GSDMA: variants seen among roughly 807,000 people sequenced by gnomAD.
GSDMA encodes the protein gasdermin-A.
A neutral mutation model predicts 54.3 loss-of-function variants in GSDMA; 55 were observed. The ratio of observed to expected loss-of-function variants is 1.01; its 90% confidence interval spans 0.82 to 1.27. The LOEUF is 1.27. Among genes scored for constraint, GSDMA ranks in the 50% most tolerant of loss-of-function variants. The probability of loss-of-function intolerance (pLI) is 0.00; values close to 1 mark genes in which losing one functional copy is unlikely to be tolerated. For missense variants in GSDMA, 542 were observed against 542.6 expected (o/e 1.00, Z 0.01); for synonymous variants, 211 against 224.7 (o/e 0.94, Z 0.54).
rs62066847 is a variant in GSDMA, at chr17:39,967,944, G to A, written c.392+1507G>A. Among the ~76,000 whole-genome samples the A allele has an allele frequency of 1.1e-3, 163 of 152,228 alleles. 2 individuals are homozygous for A. Among genetic ancestry groups the A allele is most frequent in the Non-Finnish European group, 1.3e-3 (89 of 68,018 alleles). ...ACGATCTCAGCTCACTGCAAACTCC[G>A]CCTCCTGGGTTCAAGCAATTATCCA... is the stretch of plus-strand genomic sequence containing the variant. On this transcript the variant is annotated intron_variant, in intron 3 of 11. Transcript: ENST00000301659.
At chr17:39,973,293 A>G (rs149274005) in intron 7 of GSDMA, among the ~76,000 whole-genome samples, 2,036 of 143,206 alleles carry the variant, frequency 0.014, 25 homozygotes, top group Admixed American at 0.021. Context: ...TTCTTGAGAC[A>G]GAGTCTCATT....
At chr17:39,971,448 C>A in intron 4 of GSDMA, 76 bp from the exon 5 acceptor site, 1 of 1,128,704 alleles carries the variant, frequency 8.9e-7, no homozygotes, top group Non-Finnish European at 1.3e-6. Flanking sequence ...GACCCTGCAC[C>A]TCCCCCAACT....
At chr17:39,975,082 T>C in intron 10 of GSDMA, 68 bp downstream of exon 10, 1 of 823,968 alleles carries the variant, frequency 1.2e-6, no homozygotes, top group Non-Finnish European at 2.0e-6. Flanking sequence ...TTGAATCAAT[T>C]CCCAAATGGA....
Position 39,966,447 on chromosome 17 carries a change from G to A in GSDMA, c.392+10G>A, listed in dbSNP as rs1979672541. On this transcript the variant is annotated intron_variant, in intron 3 of 11. Transcript: ENST00000301659. ...AGACCGTGCAGGAGAGGTGAGAGTG[G>A]GCGGGACTGAGGGTCTCCCGGGATG... The A allele has an allele frequency of 6.3e-7, 1 of 1,588,338 alleles. No homozygotes were observed. Among genetic ancestry groups the A allele is most frequent in the African/African-American group, 1.4e-5 (1 of 73,490 alleles).
At chr17:39,976,374 G>A (rs1237277733) in intron 11 of GSDMA, among the ~76,000 whole-genome samples, 1 of 151,618 alleles carries the variant, frequency 6.6e-6, no homozygotes, top group Non-Finnish European at 1.5e-5. Context: ...CGCCTCCCGG[G>A]TTCAAGCGAT....
chr17:39,972,106 C>G, intron 5 of GSDMA, 23 bp from the exon 6 acceptor site: 1 of 1,079,448 alleles, frequency 9.3e-7, no homozygotes. Context: ...GTCCTCCCAC[C>G]CTCCCTCCCT....
intron 3 of GSDMA, among the ~76,000 whole-genome samples, chr17:39,969,314 C>T (rs950176683): frequency 2.7e-5 from 4 of 148,484 alleles, no homozygotes; most frequent in African/African-American, 7.5e-5. Context: ...CGAGCCACTG[C>T]ACTTCAGCCT....
chr17:39,966,305 C>A lies in GSDMA; in HGVS notation c.260C>A (p.Thr87Asn), dbSNP rs1568127719. Reference sequence around the variant, plus strand: ...TTTGGCTTTAAGAATATGCTGGACACCCGAGTGGAGGGAGATGTGGATGTA... The same window carrying A: ...TTTGGCTTTAAGAATATGCTGGACAACCGAGTGGAGGGAGATGTGGATGTA... Reference protein sequence around the residue: ...GNFGFKNMLDTRVEGDVDVPK... With the variant: ...GNFGFKNMLDNRVEGDVDVPK... Residue 87 changes from threonine to asparagine, a missense_variant, in exon 3 of 12, where the codon ACC becomes AAC. Physicochemically the swap from Thr to Asn is moderately conservative, Grantham distance 65. Transcript: ENST00000301659. The A allele has an allele frequency of 6.2e-7, 1 of 1,613,950 alleles. No individual in the cohort carries two copies.
intron 8 of GSDMA, 104 bp from the exon 9 acceptor site, chr17:39,974,169 T>G (rs1980087680): frequency 1.6e-6 from 2 of 1,216,284 alleles, no homozygotes; most frequent in Non-Finnish European, 2.3e-6. Context: ...GGGTAGAGCA[T>G]GGGTACCTAA....
chr17:39,971,130 G>A (rs1323286595), intron 4 of GSDMA, among the ~76,000 whole-genome samples: 1 of 152,222 alleles, frequency 6.6e-6, no homozygotes, highest in Non-Finnish European at 1.5e-5. Context: ...GTAGGGGTTA[G>A]TCATGGAAGG....
At chr17:39,969,410 A>G (rs1191327578) in intron 3 of GSDMA, among the ~76,000 whole-genome samples, 2 of 151,802 alleles carry the variant, frequency 1.3e-5, no homozygotes, top group African/African-American at 4.8e-5. Context: ...GAGGGAGTTG[A>G]GAAAACAGGA....
At chr17:39,975,884 G>A (rs1353018252) in intron 10 of GSDMA, 40 bp from the exon 11 acceptor site, 1 of 1,469,624 alleles carries the variant, frequency 6.8e-7, no homozygotes, top group Non-Finnish European at 9.4e-7. Flanking sequence ...AGTCCCCTCT[G>A]CACCAGCAAC....
rs373982780 is a variant in GSDMA, at chr17:39,965,712, C to T, written c.25C>T (p.Arg9Trp). The stretch of plus-strand genomic sequence containing the variant: ...AATGACCATGTTTGAAAATGTCACC[C>T]GGGCCCTGGCCAGACAGCTAAACCC... MTMFENVT[R>W]ALARQLNPRG... is the part of the protein sequence containing the mutation. The change falls in exon 2 of 12, where the codon CGG (arginine) becomes TGG (tryptophan). Residue 9 changes from arginine to tryptophan, a missense_variant. Transcript: ENST00000301659. 27 of 1,609,158 alleles carry T rather than the reference C, an allele frequency of 1.7e-5. No homozygotes were observed. The highest frequency in any genetic ancestry group is 1.6e-4 in the Middle Eastern group (1 of 6,080).
In GSDMA at chr17:39,966,353, G is replaced by T. The variant is rs762787346; in HGVS notation, c.308G>T (p.Gly103Val). The T allele has an allele frequency of 1.2e-6, 2 of 1,613,976 alleles. No individual in the cohort carries two copies. Among genetic ancestry groups the T allele is most frequent in the South Asian group, 1.1e-5 (1 of 91,076 alleles). Reference sequence around the variant, plus strand: ...GTACCAAAGACGGTGAAGGTGAAGGGAACGGCAGGGCTCTCGCAGAACAGC... The same window carrying T: ...GTACCAAAGACGGTGAAGGTGAAGGTAACGGCAGGGCTCTCGCAGAACAGC... ...VDVPKTVKVK[G>V]TAGLSQNSTL... The change falls in exon 3 of 12, where the codon GGA becomes GTA. Residue 103 changes from glycine to valine, a missense_variant. Transcript: ENST00000301659.
At position 39,970,685 on chromosome 17, in the gene GSDMA, T is replaced by G; in HGVS notation, c.558+38T>G. On this transcript the variant is annotated intron_variant, in intron 4 of 11. Transcript: ENST00000301659. ...CACACACACACACACACACACACAC[T>G]CTCACACTCACACTCACACATACAC... 2.5e-6 allele frequency: 3 copies of G among 1,200,208 alleles called. No individual in the cohort carries two copies. In the South Asian group the frequency reaches 7.1e-5, roughly 29 times the overall value. The allele number at this position is 1,200,208 out of a possible 1,614,324, so 74.3% of individuals were successfully genotyped here. A position where few individuals can be genotyped will look rare whatever the true frequency, so the allele number is the denominator to read the frequency against.
At chr17:39,973,016 G>T (rs1980025822) in intron 7 of GSDMA, among the ~76,000 whole-genome samples, 1 of 152,084 alleles carries the variant, frequency 6.6e-6, no homozygotes, top group Non-Finnish European at 1.5e-5. Flanking sequence ...TTGTTGCCCA[G>T]GCTGGAGTGT....
chr17:39,976,983 C>A lies in GSDMA; in HGVS notation c.1263C>A (p.Asp421Glu), dbSNP rs1167015104. 6.2e-7 allele frequency: 1 copy of A among 1,613,898 alleles called. No homozygotes were observed. Among genetic ancestry groups the A allele is most frequent in the Non-Finnish European group, 8.5e-7 (1 of 1,179,862 alleles). The change falls in exon 12 of 12, where the codon GAC (aspartate) becomes GAA (glutamate). Residue 421 changes from aspartate (D) to glutamate (E), a missense_variant. Physicochemically the swap from Asp to Glu is conservative, Grantham distance 45. Coordinates refer to ENST00000301659, the MANE Select transcript of GSDMA (RefSeq NM_178171.5). ...VQRSGPQYMWDPDTLPRLCAL... is the reference protein window; with the variant it reads ...VQRSGPQYMWEPDTLPRLCAL... ...GATCGGGCCCCCAATATATGTGGGA[C>A]CCAGACACCCTCCCTCGCCTCTGTG... is the stretch of plus-strand genomic sequence containing the variant.
intron 3 of GSDMA, among the ~76,000 whole-genome samples, chr17:39,967,943 C>T (rs1979744826): frequency 6.6e-6 from 1 of 152,128 alleles, no homozygotes; most frequent in South Asian, 2.1e-4. Flanking sequence ...CTGCAAACTC[C>T]GCCTCCTGGG....
At position 39,966,408 on chromosome 17, in the gene GSDMA, TCCCAAG is replaced by T. The variant is rs1979668200; in HGVS notation, c.364_369del (p.Pro122_Lys123del). On this transcript the variant is annotated inframe_deletion, in exon 3 of 12. Coordinates refer to ENST00000301659, the MANE Select transcript of GSDMA (RefSeq NM_178171.5). ...TGGAGGTCCAGACACTCAGTGTGGC[TCCCAAG>T]GCCCTGGAGACCGTGCAGGAGAGGT... 6.2e-7 allele frequency: 1 copy of T among 1,611,888 alleles called. No homozygotes were observed. Among genetic ancestry groups the T allele is most frequent in the Admixed American group, 1.7e-5 (1 of 59,356 alleles).
Sources: gnomAD v4.1 joint callset for allele counts (sites outside exome capture counted in the v4.1 genomes callset) on GRCh38, gnomAD v4.1.1 for gene constraint, MANE v1.5 for transcripts, NCBI Gene and HGNC (gene_info 2026-07-23, HGNC 2026-07-21) for gene names.